Variants in SHISA6 observed in about 807,000 individuals in gnomAD.
SHISA6 encodes protein shisa-6.
A neutral mutation model predicts 47.9 loss-of-function variants in SHISA6; 22 were observed. The ratio of observed to expected loss-of-function variants is 0.46; its 90% confidence interval spans 0.33 to 0.66. The LOEUF (loss-of-function observed/expected upper bound fraction) is 0.66, where lower values mean the gene tolerates loss of function less well. Among genes scored for constraint, SHISA6 ranks in the 30% least tolerant of loss-of-function variants. SHISA6 has a pLI of 0.02. For missense variants in SHISA6, 680 were observed against 764.6 expected (o/e 0.89, Z 1.30); for synonymous variants, 388 against 337.8 (o/e 1.15, Z -1.63).
chr17:11,382,365 CACT>C (rs1209258007), intron 3 of SHISA6, among the ~76,000 whole-genome samples: 1 of 152,134 alleles, frequency 6.6e-6, no homozygotes, highest in Non-Finnish European at 1.5e-5. Context: ...GGGATTGAGT[CACT>C]ACATCTGGCT....
intron 2 of SHISA6, among the ~76,000 whole-genome samples, chr17:11,365,380 C>T (rs542773100): frequency 5.3e-5 from 8 of 152,110 alleles, no homozygotes; most frequent in African/African-American, 1.7e-4. Context: ...CAGATTCAAG[C>T]GATTCTCTTG....
intron 3 of SHISA6, among the ~76,000 whole-genome samples, chr17:11,512,415 T>C (rs1203012832): frequency 6.6e-6 from 1 of 152,234 alleles, no homozygotes; most frequent in Non-Finnish European, 1.5e-5. Context: ...AGCTCATTCT[T>C]CCACTCTCTG....
At chr17:11,326,925 C>T (rs1910915464) in intron 2 of SHISA6, among the ~76,000 whole-genome samples, 1 of 152,202 alleles carries the variant, frequency 6.6e-6, no homozygotes, top group Non-Finnish European at 1.5e-5. Flanking sequence ...ACTTCTAAGA[C>T]AATGCGATTC....
At chr17:11,550,214 G>A (rs1402287954) in intron 3 of SHISA6, among the ~76,000 whole-genome samples, 1 of 152,064 alleles carries the variant, frequency 6.6e-6, no homozygotes, top group East Asian at 1.9e-4. Context: ...GCCACCCCAT[G>A]TCTGTATAAT....
rs769100159 is a variant in SHISA6 at position 11,562,975 on chromosome 17, A to G, written c.*4671A>G. 2.0e-5 allele frequency: 3 copies of G among 152,208 alleles called. No homozygotes were observed. The highest frequency in any genetic ancestry group is 4.4e-5 in the Non-Finnish European group (3 of 68,070). 9.4% of individuals were successfully genotyped at this position (152,208 alleles called of 1,614,324 possible). On this transcript the variant is annotated 3_prime_UTR_variant, in exon 6 of 6. Coordinates refer to ENST00000441885, the MANE Select transcript of SHISA6 (RefSeq NM_207386.4). ...ATAGGTCACCAACTGTGTGCCATGGAAGCCCTCTTGTAAAGACACACCTAA... is the reference window on the plus strand; with the variant it reads ...ATAGGTCACCAACTGTGTGCCATGGGAGCCCTCTTGTAAAGACACACCTAA...
intron 3 of SHISA6, among the ~76,000 whole-genome samples, chr17:11,544,626 G>C (rs2071865972): frequency 6.6e-6 from 1 of 152,122 alleles, no homozygotes; most frequent in Admixed American, 6.6e-5. Flanking sequence ...ATGTAAAATG[G>C]TACAGTCACT....
At chr17:11,447,743 T>A (rs1402095238) in intron 3 of SHISA6, among the ~76,000 whole-genome samples, 1 of 152,236 alleles carries the variant, frequency 6.6e-6, no homozygotes, top group Non-Finnish European at 1.5e-5. Flanking sequence ...TTTGTCATCA[T>A]CTCCTCAATG....
At position 11,411,462 on chromosome 17, in the gene SHISA6, T is replaced by A. The variant is rs189361902; in HGVS notation, c.895+31953T>A. 2.7e-3 allele frequency among the ~76,000 whole-genome samples: 411 copies of A among 152,172 alleles called. 3 individuals are homozygous for A. The highest frequency in any genetic ancestry group is 9.5e-3 in the African/African-American group (394 of 41,510). On this transcript the variant is annotated intron_variant, in intron 3 of 5. Transcript: ENST00000441885. ...CCCAGGCTGGAGTGCAGTGGCGTGA[T>A]CTCGGCTCACTGCAACCTCCGCCTC... is the stretch of plus-strand genomic sequence containing the variant.
intron 3 of SHISA6, among the ~76,000 whole-genome samples, chr17:11,503,743 A>G (rs1454789346): frequency 6.6e-6 from 1 of 152,186 alleles, no homozygotes; most frequent in Admixed American, 6.5e-5. Flanking sequence ...GATGATGTTT[A>G]TCAATTGACA....
At chr17:11,276,690 CCATCATCACCATCACCACCATTAT>C (rs959440074) in intron 2 of SHISA6, among the ~76,000 whole-genome samples, 3 of 151,980 alleles carry the variant, frequency 2.0e-5, no homozygotes, top group African/African-American at 7.3e-5. Flanking sequence ...ATCACCACCA[CCATCATCACCATCACCACCATTAT>C]CATCATCACC....
At chr17:11,518,116 G>A (rs192724928) in intron 3 of SHISA6, among the ~76,000 whole-genome samples, 2 of 152,272 alleles carry the variant, frequency 1.3e-5, no homozygotes, top group East Asian at 1.9e-4. Context: ...GCGTGGTGCC[G>A]TGGTCGAGAG....
intron 3 of SHISA6, among the ~76,000 whole-genome samples, chr17:11,388,689 C>T (rs1231080699): frequency 6.7e-6 from 1 of 150,258 alleles, no homozygotes; most frequent in African/African-American, 2.5e-5. Flanking sequence ...CAACCTCACA[C>T]CATAGCTACT....
chr17:11,463,429 A>C (rs1435837259), intron 3 of SHISA6, among the ~76,000 whole-genome samples: 1 of 152,220 alleles, frequency 6.6e-6, no homozygotes, highest in Non-Finnish European at 1.5e-5. Flanking sequence ...ACAAGAAAAT[A>C]AAAGTTGCCT....
rs536108463 is a variant in SHISA6, at chr17:11,323,409, C to T, written c.800-56005C>T. Among the ~76,000 whole-genome samples, 329 of 152,204 alleles carry T rather than the reference C, an allele frequency of 2.2e-3. 1 individual carries two copies. Among genetic ancestry groups the T allele is most frequent in the Middle Eastern group, 0.01 (3 of 294 alleles). ...GTGGCTCACACCTGTAATCCCAGTA[C>T]TTTGGGAGGCCGAGGCGGGTGGATC... On this transcript the variant is annotated intron_variant, in intron 2 of 5. Transcript: ENST00000441885.
chr17:11,295,197 A>G (rs1909704913), intron 2 of SHISA6, among the ~76,000 whole-genome samples: 1 of 152,238 alleles, frequency 6.6e-6, no homozygotes, highest in Non-Finnish European at 1.5e-5. Context: ...GACTGCAAGT[A>G]ATTGAAACCG....
chr17:11,395,004 T>C (rs934448521), intron 3 of SHISA6, among the ~76,000 whole-genome samples: 2 of 143,262 alleles, frequency 1.4e-5, no homozygotes, highest in Non-Finnish European at 3.1e-5. Flanking sequence ...TTTTCTTTTT[T>C]TTTTTTTTTT....
At chr17:11,494,976 C>T (rs1261458306) in intron 3 of SHISA6, among the ~76,000 whole-genome samples, 1 of 152,158 alleles carries the variant, frequency 6.6e-6, no homozygotes, top group Admixed American at 6.5e-5. Flanking sequence ...TGAGGATGAC[C>T]TACCTCCTGA....
chr17:11,371,692 G>A (rs548618299), intron 2 of SHISA6, among the ~76,000 whole-genome samples: 1 of 151,876 alleles, frequency 6.6e-6, no homozygotes, highest in Admixed American at 6.6e-5. Flanking sequence ...AACGTTATTA[G>A]GTTTTTGTTG....
chr17:11,252,322 C>T (rs1024834528), intron 1 of SHISA6, among the ~76,000 whole-genome samples: 4 of 152,144 alleles, frequency 2.6e-5, no homozygotes, highest in African/African-American at 4.8e-5. Context: ...CCATTAGCTT[C>T]GGCATTAAAG....
Sources: gnomAD v4.1 joint callset for allele counts (sites outside exome capture counted in the v4.1 genomes callset) on GRCh38, gnomAD v4.1.1 for gene constraint, MANE v1.5 for transcripts, NCBI Gene and HGNC (gene_info 2026-07-23, HGNC 2026-07-21) for gene names.